The following LAPTM4A variants were observed in gnomAD, a reference collection of about 807,000 sequenced individuals.
LAPTM4A encodes the protein lysosomal protein transmembrane 4 alpha.
In LAPTM4A, 19 loss-of-function variants were observed where a neutral mutation model predicts 29.9. That is an observed-to-expected ratio of 0.64 (90% CI 0.44 to 0.93). The LOEUF is 0.93. LAPTM4A is among the 40% of genes least tolerant of loss of function. The pLI is 0.00. For synonymous variants in LAPTM4A, 105 were observed against 102.1 expected (o/e 1.03, Z -0.17); for missense variants, 293 against 288.5 (o/e 1.02, Z -0.11).
At chr2:20,035,829 G>A (rs1376995720) in intron 4 of LAPTM4A, among the ~76,000 whole-genome samples, 1 of 151,862 alleles carries the variant, frequency 6.6e-6, no homozygotes, top group Non-Finnish European at 1.5e-5. Flanking sequence ...CTATAAAGCT[G>A]ATTTAATTTT....
chr2:20,034,317 C>G lies in LAPTM4A; in HGVS notation c.627G>C (p.Gln209His), dbSNP rs374029937. Reference sequence around the variant, plus strand: ...TTTACTCTATCCAACAGTAGCTAACCTGAGGAGGTGCTTCAAAGGCAGGGT... The same window carrying G: ...TTTACTCTATCCAACAGTAGCTAACGTGAGGAGGTGCTTCAAAGGCAGGGT... The part of the protein sequence containing the change: ...AVYPAFEAPP[Q>H]YVLPTYEMAV... The change falls in exon 6 of 7, where the codon CAG (glutamine) becomes CAC (histidine). Residue 209 changes from glutamine to histidine, a missense_variant and splice_region_variant. Physicochemically the swap from Gln to His is conservative, Grantham distance 24. Coordinates refer to ENST00000175091, the MANE Select transcript of LAPTM4A (RefSeq NM_014713.5). 1.4e-5 allele frequency: 22 copies of G among 1,607,298 alleles called. No homozygotes were observed. Among genetic ancestry groups the G allele is most frequent in the Non-Finnish European group, 1.9e-5 (22 of 1,173,820 alleles).
chr2:20,046,833 T>C (rs1020088952), intron 1 of LAPTM4A, among the ~76,000 whole-genome samples: 2 of 136,296 alleles, frequency 1.5e-5, no homozygotes, highest in African/African-American at 5.1e-5. Context: ...GGTTTCGTCA[T>C]GTTGCTCAGG....
At chr2:20,051,347 C>G (rs931280767) in intron 1 of LAPTM4A, 63 bp downstream of exon 1, 1 of 1,037,342 alleles carries the variant, frequency 9.6e-7, no homozygotes, top group African/African-American at 1.6e-5. Context: ...AGTCTCACCC[C>G]CTCCGCACCA....
intron 1 of LAPTM4A, among the ~76,000 whole-genome samples, chr2:20,048,626 C>A (rs1457285603): frequency 2.1e-4 from 32 of 152,176 alleles, no homozygotes; most frequent in Admixed American, 2.0e-3. Flanking sequence ...CCAAATGACA[C>A]AGGGGGAATC....
intron 1 of LAPTM4A, among the ~76,000 whole-genome samples, chr2:20,043,955 G>A (rs1673859913): frequency 6.6e-6 from 1 of 152,214 alleles, no homozygotes; most frequent in Non-Finnish European, 1.5e-5. Flanking sequence ...ACATTCCCCA[G>A]TAACTCCTAT....
At chr2:20,039,543 C>T (rs1244357615) in intron 2 of LAPTM4A, among the ~76,000 whole-genome samples, 1 of 151,948 alleles carries the variant, frequency 6.6e-6, no homozygotes, top group African/African-American at 2.4e-5. Flanking sequence ...CCCTTGAAGC[C>T]GGGAGCTCAA....
chr2:20,042,017 T>C (rs1673811794), intron 1 of LAPTM4A, among the ~76,000 whole-genome samples: 1 of 152,236 alleles, frequency 6.6e-6, no homozygotes, highest in Non-Finnish European at 1.5e-5. Flanking sequence ...ATGCTCCAGT[T>C]TGATGGACAT....
At chr2:20,033,696 T>G (rs541366053) in intron 6 of LAPTM4A, among the ~76,000 whole-genome samples, 1 of 152,180 alleles carries the variant, frequency 6.6e-6, no homozygotes, top group African/African-American at 2.4e-5. Context: ...CAGAATCAGT[T>G]TGTAGTCAGA....
In LAPTM4A at chr2:20,033,023, AC is replaced by A. The variant is rs1466142512; in HGVS notation, c.*181del. 8.5e-6 allele frequency: 5 copies of A among 585,642 alleles called. No homozygotes were observed. The highest frequency in any genetic ancestry group is 1.5e-5 in the Non-Finnish European group (5 of 327,012). 36.3% of individuals were successfully genotyped at this position (585,642 alleles called of 1,614,324 possible). A position where few individuals can be genotyped will look rare whatever the true frequency, so the allele number is the denominator to read the frequency against. On this transcript the variant is annotated 3_prime_UTR_variant, in exon 7 of 7. Coordinates refer to ENST00000175091, the MANE Select transcript of LAPTM4A (RefSeq NM_014713.5). ...AAACTATTAAAATGTAAAAGACTTAACAAAAAAACAAAAAGACGTTTAACAG... is the reference window on the plus strand; with the variant it reads ...AAACTATTAAAATGTAAAAGACTTAAAAAAAAACAAAAAGACGTTTAACAG...
In LAPTM4A at chr2:20,046,761, T is replaced by TATATAATATAA. The variant is rs1182534519; in HGVS notation, c.111+4638_111+4648dup. On this transcript the variant is annotated intron_variant, in intron 1 of 6. Transcript: ENST00000175091. ...TATAAATATATATTATATAAATATATATATAATATAATATATAAATATATA... is the reference window on the plus strand; with the variant it reads ...TATAAATATATATTATATAAATATATATATAATATAAATATAATATAATATATAAATATATA... 2.2e-4 allele frequency among the ~76,000 whole-genome samples: 32 copies of TATATAATATAA among 143,806 alleles called. No individual in the cohort carries two copies. In the East Asian group the frequency reaches 4.7e-3, roughly 21 times the overall value. 94.3% of individuals were successfully genotyped at this position (143,806 alleles called of 152,430 possible).
At chr2:20,048,516 C>T (rs770654137) in intron 1 of LAPTM4A, among the ~76,000 whole-genome samples, 3 of 152,146 alleles carry the variant, frequency 2.0e-5, no homozygotes, top group African/African-American at 7.2e-5. Flanking sequence ...TATGGTGTTA[C>T]GATACTTTAA....
intron 1 of LAPTM4A, among the ~76,000 whole-genome samples, chr2:20,050,788 A>G (rs540551624): frequency 1.4e-3 from 206 of 152,324 alleles, no homozygotes; most frequent in African/African-American, 4.8e-3. Context: ...CTGCGCAGGG[A>G]GGAGGCTGCA....
At position 20,037,414 on chromosome 2, in the gene LAPTM4A, A is replaced by G; in HGVS notation, c.334T>C (p.Phe112Leu). 6.2e-7 allele frequency: 1 copy of G among 1,612,678 alleles called. No homozygotes were observed. Among genetic ancestry groups the G allele is most frequent in the Non-Finnish European group, 8.5e-7 (1 of 1,179,548 alleles). ...AAGTCAAAAAGTCGGTAACAGAAGA[A>G]TGGAATCAGCCAACCCACTTGATAC... ...ISYQVGWLIP[F>L]FCYRLFDFVL... The change falls in exon 4 of 7, where the codon TTC becomes CTC. Residue 112 changes from phenylalanine (F) to leucine (L), a missense_variant. Physicochemically the swap from Phe to Leu is conservative, Grantham distance 22. Transcript: ENST00000175091.
rs761839194 is a variant in LAPTM4A at position 20,051,504 on chromosome 2, A to C, written c.17T>G (p.Phe6Cys). The C allele has an allele frequency of 1.2e-5, 20 of 1,608,412 alleles. No homozygotes were observed. The highest frequency in any genetic ancestry group is 1.7e-5 in the Non-Finnish European group (20 of 1,177,196). The part of the protein sequence containing the change: MVSMS[F>C]KRNRSDRFYS... ...GAACCGGTCACTGCGGTTCCGCTTG[A>C]AACTCATGGACACCATCGTAACAGG... Residue 6 changes from phenylalanine (F) to cysteine (C), a missense_variant, in exon 1 of 7, where the codon TTC becomes TGC. Coordinates refer to ENST00000175091, the MANE Select transcript of LAPTM4A (RefSeq NM_014713.5).
At chr2:20,033,870 A>AG (rs1170796541) in intron 6 of LAPTM4A, among the ~76,000 whole-genome samples, 1 of 152,192 alleles carries the variant, frequency 6.6e-6, no homozygotes, top group Admixed American at 6.5e-5. Flanking sequence ...CAGCAATTAG[A>AG]GGGCTGTGAA....
chr2:20,046,806 T>A lies in LAPTM4A; in HGVS notation c.111+4604A>T, dbSNP rs573869782. On this transcript the variant is annotated intron_variant, in intron 1 of 6. Coordinates refer to ENST00000175091, the MANE Select transcript of LAPTM4A (RefSeq NM_014713.5). ...TATATATATAATATAATATATATTTTTTTTTGGTAGAGAGGGGGTTTCGTC... is the reference window on the plus strand; with the variant it reads ...TATATATATAATATAATATATATTTATTTTTGGTAGAGAGGGGGTTTCGTC... Among the ~76,000 whole-genome samples, 393 of 130,446 alleles carry A rather than the reference T, an allele frequency of 3.0e-3. 3 individuals are homozygous for A. The highest frequency in any genetic ancestry group is 9.9e-3 in the African/African-American group (382 of 38,766). 85.6% of individuals were successfully genotyped at this position (130,446 alleles called of 152,430 possible). A position where few individuals can be genotyped will look rare whatever the true frequency, so the allele number is the denominator to read the frequency against.
At chr2:20,039,357 C>A (rs967912353) in intron 2 of LAPTM4A, among the ~76,000 whole-genome samples, 1 of 152,226 alleles carries the variant, frequency 6.6e-6, no homozygotes, top group Non-Finnish European at 1.5e-5. Flanking sequence ...CTACAACATG[C>A]AAACTTCCAC....
chr2:20,047,619 A>G (rs1169234421), intron 1 of LAPTM4A, among the ~76,000 whole-genome samples: 1 of 147,002 alleles, frequency 6.8e-6, no homozygotes, highest in African/African-American at 2.5e-5. Flanking sequence ...GAACCCGGGA[A>G]GCGGAGCTTG....
At chr2:20,034,767 A>G (rs766910253) in intron 5 of LAPTM4A, among the ~76,000 whole-genome samples, 200 bp downstream of exon 5, 1 of 152,192 alleles carries the variant, frequency 6.6e-6, no homozygotes, top group Non-Finnish European at 1.5e-5. Context: ...TCACTCAGAG[A>G]AGGATCCTGA....
Sources: allele counts gnomAD v4.1 joint callset (sites outside exome capture counted in the v4.1 genomes callset), GRCh38; gene constraint gnomAD v4.1.1; transcripts MANE v1.5; gene names NCBI Gene and HGNC (gene_info 2026-07-23, HGNC 2026-07-21).